Variants in IGBP1C observed in about 807,000 individuals in gnomAD.
IGBP1C encodes IGBP1 family member C, also known as immunoglobulin-binding protein 1 family member C.
At chr17:58,685,018 T>C in the IGBP1C span, among the ~76,000 whole-genome samples, 1 of 152,054 alleles carries the variant, frequency 6.6e-6, no homozygotes, top group Non-Finnish European at 1.5e-5. Context: ...GAAAATAAAA[T>C]TAAAAATTAA....
the IGBP1C span, among the ~76,000 whole-genome samples, chr17:58,684,652 A>C: frequency 4.0e-5 from 6 of 150,166 alleles, no homozygotes; most frequent in African/African-American, 1.5e-4. Context: ...TAAATAAATA[A>C]ATAAATAAAT....
At chr17:58,678,194 A>C in the IGBP1C span, among the ~76,000 whole-genome samples, 1 of 152,154 alleles carries the variant, frequency 6.6e-6, no homozygotes, top group Non-Finnish European at 1.5e-5. Context: ...TTGATTTAAG[A>C]TGAAAAGCTT....
chr17:58,679,676 T>C, the IGBP1C span: 1 of 152,216 alleles, frequency 6.6e-6, no homozygotes, highest in Admixed American at 6.6e-5. Flanking sequence ...GTTATTTCCC[T>C]TGCCAGTTAA....
At chr17:58,677,119 CAAAAAAA>C in the IGBP1C span, among the ~76,000 whole-genome samples, 273 of 78,632 alleles carry the variant, frequency 3.5e-3, no homozygotes, top group Middle Eastern at 6.9e-3. Flanking sequence ...AACTCCGTCT[CAAAAAAA>C]AAAAAAAAAA....
the IGBP1C span, among the ~76,000 whole-genome samples, chr17:58,685,225 G>A: frequency 6.6e-6 from 1 of 151,990 alleles, no homozygotes; most frequent in African/African-American, 2.4e-5. Context: ...CCTGAGGTCA[G>A]GAGTTCAAGA....
the IGBP1C span, among the ~76,000 whole-genome samples, chr17:58,678,086 G>A: frequency 6.6e-6 from 1 of 152,156 alleles, no homozygotes; most frequent in Non-Finnish European, 1.5e-5. Flanking sequence ...GTAGGCAGAG[G>A]TTGCAGTGAG....
the IGBP1C span, chr17:58,660,741 T>C: frequency 3.8e-6 from 3 of 781,324 alleles, no homozygotes; most frequent in Non-Finnish European, 2.4e-6. Context: ...GCCTTGGCTA[T>C]TCCCTGATCT....
At chr17:58,674,368 C>A in the IGBP1C span, among the ~76,000 whole-genome samples, 8 of 151,910 alleles carry the variant, frequency 5.3e-5, no homozygotes, top group Non-Finnish European at 1.2e-4. Context: ...GTGAGAATAA[C>A]TTATTTATGA....
At chr17:58,663,413 A>C in the IGBP1C span, among the ~76,000 whole-genome samples, 2 of 142,018 alleles carry the variant, frequency 1.4e-5, no homozygotes, top group Admixed American at 7.2e-5. Flanking sequence ...CAAGAGCAAA[A>C]CTCCGTCTCA....
the IGBP1C span, among the ~76,000 whole-genome samples, chr17:58,683,052 C>CAAAAAACAAAAAAAAAAAAA: frequency 1.9e-5 from 1 of 54,044 alleles, no homozygotes; most frequent in African/African-American, 6.8e-5. Context: ...GAGTCTGTCT[C>CAAAAAACAAAAAAAAAAAAA]AAAAAAAAAA....
At chr17:58,667,304 C>T in the IGBP1C span, among the ~76,000 whole-genome samples, 1 of 152,192 alleles carries the variant, frequency 6.6e-6, no homozygotes, top group Non-Finnish European at 1.5e-5. Context: ...TTTCGATGAG[C>T]TTATGGCCTC....
At chr17:58,682,262 CTT>C in the IGBP1C span, among the ~76,000 whole-genome samples, 2 of 141,924 alleles carry the variant, frequency 1.4e-5, no homozygotes, top group African/African-American at 2.6e-5. Context: ...CAGAGTCTTT[CTT>C]TTTTTTTTTT....
the IGBP1C span, among the ~76,000 whole-genome samples, chr17:58,669,078 A>G: frequency 1.3e-5 from 2 of 152,194 alleles, no homozygotes; most frequent in Non-Finnish European, 2.9e-5. Flanking sequence ...AATGCCAGGC[A>G]CAGTGGCTCA....
chr17:58,689,171 G>A, the IGBP1C span, among the ~76,000 whole-genome samples: 2 of 151,962 alleles, frequency 1.3e-5, no homozygotes, highest in South Asian at 2.1e-4. Flanking sequence ...CTCGTGATCC[G>A]CCCACCTCGG....
At chr17:58,691,593 G>T in the IGBP1C span, among the ~76,000 whole-genome samples, 1 of 149,920 alleles carries the variant, frequency 6.7e-6, no homozygotes, top group Non-Finnish European at 1.5e-5. Context: ...CTTGAACCCG[G>T]GAGGCGAAGG....
the IGBP1C span, among the ~76,000 whole-genome samples, chr17:58,665,765 G>A: frequency 4.0e-5 from 6 of 151,670 alleles, no homozygotes; most frequent in Non-Finnish European, 8.8e-5. Flanking sequence ...AAAAAATAAG[G>A]CTGGGCGCGG....
At chr17:58,690,187 G>A in the IGBP1C span, among the ~76,000 whole-genome samples, 2 of 151,644 alleles carry the variant, frequency 1.3e-5, no homozygotes, top group Non-Finnish European at 2.9e-5. Context: ...TTGTTTTTGA[G>A]ATGGAGTCTC....
chr17:58,678,372 A>T, the IGBP1C span, among the ~76,000 whole-genome samples: 1 of 152,198 alleles, frequency 6.6e-6, no homozygotes, highest in Non-Finnish European at 1.5e-5. Context: ...AGACACATGC[A>T]CGTGTATGCT....
chr17:58,668,308 A>G, the IGBP1C span, among the ~76,000 whole-genome samples: 1 of 152,166 alleles, frequency 6.6e-6, no homozygotes, highest in South Asian at 2.1e-4. Context: ...CTCTATACCT[A>G]TCCTGATGGT....
Sources: allele counts gnomAD v4.1 joint callset (sites outside exome capture counted in the v4.1 genomes callset), GRCh38; gene constraint gnomAD v4.1.1; transcripts MANE v1.5; gene names NCBI Gene and HGNC (gene_info 2026-07-23, HGNC 2026-07-21).